PCDH9: variants seen among roughly 807,000 people sequenced by gnomAD.
The protein encoded by PCDH9 is protocadherin 9.
A neutral mutation model predicts 70.6 loss-of-function variants in PCDH9; 24 were observed. The observed-to-expected ratio is 0.34, with a 90% confidence interval of 0.25 to 0.48. PCDH9 has a LOEUF of 0.48. Among genes scored for constraint, PCDH9 ranks in the 20% least tolerant of loss-of-function variants. The pLI, the probability that PCDH9 is intolerant of heterozygous loss-of-function variation, is 0.99. For synonymous variants in PCDH9, 562 were observed against 558.5 expected, an observed-to-expected ratio of 1.01 and a Z score of -0.09; for missense variants, 1,281 against 1,503.6, an observed-to-expected ratio of 0.85 and a Z score of 2.45.
chr13:66,941,908 G>T (rs2083012448), intron 2 of PCDH9, among the ~76,000 whole-genome samples: 1 of 151,854 alleles, frequency 6.6e-6, no homozygotes, highest in Non-Finnish European at 1.5e-5. Context: ...TACAAAGATA[G>T]ACCCTACTCT....
intron 3 of PCDH9, among the ~76,000 whole-genome samples, chr13:66,762,809 T>C (rs2139254190): frequency 6.6e-6 from 1 of 152,140 alleles, no homozygotes; most frequent in South Asian, 2.1e-4. Context: ...TACCAGGTTA[T>C]TGAGTCAGCT....
intron 4 of PCDH9, among the ~76,000 whole-genome samples, chr13:66,567,770 T>A (rs1467030966): frequency 6.6e-6 from 1 of 152,168 alleles, no homozygotes; most frequent in Non-Finnish European, 1.5e-5. Context: ...GTGACTTTAC[T>A]TTTTTACTAC....
At chr13:66,751,215 T>C (rs565358824) in intron 3 of PCDH9, among the ~76,000 whole-genome samples, 1 of 151,930 alleles carries the variant, frequency 6.6e-6, no homozygotes, top group East Asian at 1.9e-4. Flanking sequence ...TTGATCAAAT[T>C]TTTTTTTTCA....
Position 66,568,512 on chromosome 13 carries a change from C to CAA in PCDH9, c.3340+62696_3340+62697dup, listed in dbSNP as rs34215376. Among the ~76,000 whole-genome samples the CAA allele has an allele frequency of 7.0e-3, 760 of 108,070 alleles. 2 individuals carry two copies. The highest frequency in any genetic ancestry group is 8.8e-3 in the Non-Finnish European group (445 of 50,626). 70.9% of individuals were successfully genotyped at this position (108,070 alleles called of 152,430 possible). On this transcript the variant is annotated intron_variant, in intron 4 of 4. Coordinates refer to ENST00000377865, the MANE Select transcript of PCDH9 (RefSeq NM_203487.3). ...GCCTAAGCAACATAGTGAGACTTTACAAAAAAAAAAAAAAGAAAGAAAGAA... is the reference window on the plus strand; with the variant it reads ...GCCTAAGCAACATAGTGAGACTTTACAAAAAAAAAAAAAAAAGAAAGAAAGAA...
intron 2 of PCDH9, among the ~76,000 whole-genome samples, chr13:66,940,555 A>C (rs149262148): frequency 6.6e-6 from 1 of 152,176 alleles, no homozygotes; most frequent in Non-Finnish European, 1.5e-5. Flanking sequence ...TGTGTAATCT[A>C]TATCTCATGT....
intron 3 of PCDH9, among the ~76,000 whole-genome samples, chr13:66,649,292 G>T (rs1280505914): frequency 6.6e-6 from 1 of 152,026 alleles, no homozygotes; most frequent in African/African-American, 2.4e-5. Context: ...CAAGGATAAA[G>T]AAAGGATCTA....
intron 4 of PCDH9, among the ~76,000 whole-genome samples, chr13:66,498,369 A>G (rs1043051934): frequency 1.2e-4 from 18 of 151,848 alleles, no homozygotes; most frequent in African/African-American, 4.1e-4. Flanking sequence ...CACTCTTACT[A>G]ATTTTTGACA....
chr13:66,740,646 T>C (rs1041589898), intron 3 of PCDH9, among the ~76,000 whole-genome samples: 20 of 150,082 alleles, frequency 1.3e-4, no homozygotes, highest in Non-Finnish European at 9.0e-5. Flanking sequence ...CAATAAAAAA[T>C]GATAAAGGGG....
chr13:67,164,126 C>T (rs1470203811), intron 2 of PCDH9, among the ~76,000 whole-genome samples: 1 of 152,192 alleles, frequency 6.6e-6, no homozygotes, highest in Non-Finnish European at 1.5e-5. Flanking sequence ...AATCATAATG[C>T]ATCTTCAAGT....
At chr13:66,313,685 G>A (rs531454296) in intron 4 of PCDH9, among the ~76,000 whole-genome samples, 7 of 152,188 alleles carry the variant, frequency 4.6e-5, no homozygotes, top group Admixed American at 2.0e-4. Context: ...AACTGATGAC[G>A]TTCATTTTCA....
chr13:67,116,077 A>T (rs2086766351), intron 2 of PCDH9, among the ~76,000 whole-genome samples: 3 of 152,176 alleles, frequency 2.0e-5, no homozygotes, highest in Admixed American at 1.3e-4. Flanking sequence ...TAACTTCCTT[A>T]TATTTTAAAA....
At chr13:66,864,220 T>G (rs1349049942) in intron 3 of PCDH9, among the ~76,000 whole-genome samples, 1 of 152,108 alleles carries the variant, frequency 6.6e-6, no homozygotes. Context: ...AGATAGTTCA[T>G]AGGATTATGA....
chr13:67,225,554 C>T lies in PCDH9; in HGVS notation c.2887G>A (p.Val963Met). 1 of 1,614,064 alleles carries T rather than the reference C, an allele frequency of 6.2e-7. No homozygotes were observed. The highest frequency in any genetic ancestry group is 8.5e-7 in the Non-Finnish European group (1 of 1,180,000). The change falls in exon 2 of 5, where the codon GTG (valine) becomes ATG (methionine). Residue 963 changes from valine to methionine, a missense_variant. This residue lies in a region of PCDH9 where 207 missense variants were observed against 191.8 expected (regional missense o/e 1.08). Coordinates refer to ENST00000377865, the MANE Select transcript of PCDH9 (RefSeq NM_203487.3). ...TTGTCCAAAGGGAGTTCCTGAATCACGTGGTGCTTTTTCACGGAAACTGGA... is the reference window on the plus strand; with the variant it reads ...TTGTCCAAAGGGAGTTCCTGAATCATGTGGTGCTTTTTCACGGAAACTGGA... ...DTPVSVKKHH[V>M]IQELPLDNTF...
At position 66,832,248 on chromosome 13, in the gene PCDH9, C is replaced by T. The variant is rs538106814; in HGVS notation, c.3138+71256G>A. On this transcript the variant is annotated intron_variant, in intron 3 of 4. Coordinates refer to ENST00000377865, the MANE Select transcript of PCDH9 (RefSeq NM_203487.3). ...ACTGGAATTTATAATAAATGTATGC[C>T]GTATGACGTTTTATAGAGTTGAATT... Among the ~76,000 whole-genome samples, 539 of 151,864 alleles carry T rather than the reference C, an allele frequency of 3.5e-3. 3 individuals are homozygous for T. The highest frequency in any genetic ancestry group is 0.012 in the African/African-American group (515 of 41,424).
chr13:66,432,164 T>C (rs1444263285), intron 4 of PCDH9, among the ~76,000 whole-genome samples: 3 of 152,148 alleles, frequency 2.0e-5, no homozygotes, highest in African/African-American at 7.2e-5. Flanking sequence ...AAAGTAGATA[T>C]TTATTATCCA....
At chr13:66,775,287 T>C (rs1174380735) in intron 3 of PCDH9, among the ~76,000 whole-genome samples, 1 of 152,184 alleles carries the variant, frequency 6.6e-6, no homozygotes, top group East Asian at 1.9e-4. Flanking sequence ...GTGTAGAGTA[T>C]ACATATAATT....
At chr13:66,361,059 A>G (rs1024849315) in intron 4 of PCDH9, among the ~76,000 whole-genome samples, 1 of 152,090 alleles carries the variant, frequency 6.6e-6, no homozygotes, top group Non-Finnish European at 1.5e-5. Context: ...CTGATGATGT[A>G]ATCTGCATAA....
In PCDH9 at chr13:66,721,416, C is replaced by A. The variant is rs772929107; in HGVS notation, c.3139-90005G>T. On this transcript the variant is annotated intron_variant, in intron 3 of 4. Transcript: ENST00000377865. ...TCCTGCAGTAAAGATATCTGTTTAT[C>A]TTAGTTTAGTCTAGTGTGTTTTGTA... 5.3e-5 allele frequency among the ~76,000 whole-genome samples: 8 copies of A among 152,266 alleles called. 1 individual carries two copies. The East Asian group carries it at 9.7e-4, about 18-fold the overall frequency.
chr13:66,698,852 T>C (rs546139546), intron 3 of PCDH9, among the ~76,000 whole-genome samples: 1 of 151,848 alleles, frequency 6.6e-6, no homozygotes, highest in South Asian at 2.1e-4. Flanking sequence ...TTTCCTAAGT[T>C]TTGAGATTAC....
Sources: gnomAD v4.1 joint callset for allele counts (sites outside exome capture counted in the v4.1 genomes callset) on GRCh38, gnomAD v4.1.1 for gene constraint, gnomAD v4.1.1 regional missense constraint, MANE v1.5 for transcripts, NCBI Gene and HGNC (gene_info 2026-07-23, HGNC 2026-07-21) for gene names.